The following SEMA5A variants were observed in gnomAD, a reference collection of about 807,000 sequenced individuals.
SEMA5A encodes the protein semaphorin 5A, also known as semaphorin-5A.
A neutral mutation model predicts 135.5 loss-of-function variants in SEMA5A; 55 were observed. The observed-to-expected ratio is 0.41, with a 90% CI of 0.33 to 0.51. The LOEUF (loss-of-function observed/expected upper bound fraction) is 0.51. Ranked by LOEUF, SEMA5A falls within the 20% of genes least tolerant of loss-of-function variation. The pLI is 0.37. For synonymous variants in SEMA5A, 580 were observed against 546.5 expected (o/e 1.06, Z -0.85); for missense variants, 1,290 against 1,419.9 (o/e 0.91, Z 1.47).
At chr5:9,044,987 G>T (rs1445068461) in intron 21 of SEMA5A, among the ~76,000 whole-genome samples, 2 of 152,156 alleles carry the variant, frequency 1.3e-5, no homozygotes, top group African/African-American at 4.8e-5. Context: ...GTTTCTCCAT[G>T]TTGGTCAGGC....
intron 2 of SEMA5A, among the ~76,000 whole-genome samples, chr5:9,417,391 C>T (rs923510830): frequency 6.6e-6 from 1 of 152,214 alleles, no homozygotes; most frequent in African/African-American, 2.4e-5. Context: ...TCTAAAATTT[C>T]TCACATAAAT....
At chr5:9,057,138 G>A (rs1736936903) in intron 18 of SEMA5A, among the ~76,000 whole-genome samples, 1 of 152,188 alleles carries the variant, frequency 6.6e-6, no homozygotes, top group Non-Finnish European at 1.5e-5. Context: ...GGGAAGTGGG[G>A]AATTGCTGTA....
intron 11 of SEMA5A, among the ~76,000 whole-genome samples, chr5:9,164,771 A>G (rs968637746): frequency 6.6e-6 from 1 of 152,180 alleles, no homozygotes; most frequent in Admixed American, 6.5e-5. Context: ...TCAAGTACCT[A>G]AAGAAAAGGT....
chr5:9,490,304 A>T (rs1350317011), intron 1 of SEMA5A, among the ~76,000 whole-genome samples: 1 of 152,280 alleles, frequency 6.6e-6, no homozygotes, highest in African/African-American at 2.4e-5. Context: ...ATCTTATTTA[A>T]ACTGACACAA....
intron 2 of SEMA5A, among the ~76,000 whole-genome samples, chr5:9,382,546 A>T (rs1755661549): frequency 6.6e-6 from 1 of 152,198 alleles, no homozygotes; most frequent in Admixed American, 6.5e-5. Context: ...ATGGGGAGGA[A>T]GGAAAAGACA....
intron 1 of SEMA5A, among the ~76,000 whole-genome samples, chr5:9,482,086 C>T (rs147281177): frequency 1.2e-3 from 179 of 152,282 alleles, no homozygotes; most frequent in African/African-American, 3.9e-3. Flanking sequence ...CCAAACATAG[C>T]TTTCTTTTCT....
intron 1 of SEMA5A, among the ~76,000 whole-genome samples, chr5:9,441,424 G>C (rs1561255617): frequency 1.3e-5 from 2 of 152,106 alleles, no homozygotes; most frequent in South Asian, 4.2e-4. Flanking sequence ...TCAGGTATAA[G>C]AGAAGAGCCA....
chr5:9,445,711 T>G (rs998171332), intron 1 of SEMA5A, among the ~76,000 whole-genome samples: 2 of 151,934 alleles, frequency 1.3e-5, no homozygotes, highest in African/African-American at 4.8e-5. Context: ...TCACTGAGTC[T>G]CTGGCTCCCA....
chr5:9,443,102 T>C (rs1579548538), intron 1 of SEMA5A, among the ~76,000 whole-genome samples: 1 of 152,322 alleles, frequency 6.6e-6, no homozygotes. Flanking sequence ...AGCCTGGGTG[T>C]CCAGGCTTCC....
At chr5:9,483,896 T>C (rs1002656362) in intron 1 of SEMA5A, among the ~76,000 whole-genome samples, 13 of 152,140 alleles carry the variant, frequency 8.5e-5, no homozygotes, top group African/African-American at 2.9e-4. Context: ...CACAGATCAT[T>C]CCAGAGGTGA....
In SEMA5A at chr5:9,176,303, A is replaced by G. The variant is rs1361093895; in HGVS notation, c.1273+13964T>C. On this transcript the variant is annotated intron_variant, in intron 11 of 22. Coordinates refer to ENST00000382496, the MANE Select transcript of SEMA5A (RefSeq NM_003966.3). Reference sequence around the variant, plus strand: ...TTAGGATGTGAAAGTAAACTCTGCCAACAGCCAGGACAAAACTAGGGCCCT... The same window carrying G: ...TTAGGATGTGAAAGTAAACTCTGCCGACAGCCAGGACAAAACTAGGGCCCT... Among the ~76,000 whole-genome samples, 5 of 152,302 alleles carry G rather than the reference A, an allele frequency of 3.3e-5. No individual in the cohort carries two copies. In the East Asian group the frequency reaches 9.7e-4, roughly 29 times the overall value.
At chr5:9,364,265 G>C (rs1036138626) in intron 3 of SEMA5A, among the ~76,000 whole-genome samples, 4 of 152,112 alleles carry the variant, frequency 2.6e-5, no homozygotes, top group Non-Finnish European at 4.4e-5. Context: ...GAACAATTTT[G>C]TGCAGACACC....
intron 11 of SEMA5A, among the ~76,000 whole-genome samples, chr5:9,169,378 G>A (rs529161078): frequency 1.3e-5 from 2 of 152,242 alleles, no homozygotes; most frequent in African/African-American, 4.8e-5. Flanking sequence ...TAAGTAATGT[G>A]TCCTCTCTCC....
intron 2 of SEMA5A, among the ~76,000 whole-genome samples, chr5:9,396,478 A>G (rs1289160689): frequency 6.6e-6 from 1 of 152,062 alleles, no homozygotes; most frequent in African/African-American, 2.4e-5. Context: ...AAAGACAGCA[A>G]ACAACACCCC....
chr5:9,106,113 C>T (rs76853181), intron 16 of SEMA5A, among the ~76,000 whole-genome samples: 5,893 of 152,174 alleles, frequency 0.039, 124 homozygotes, highest in Non-Finnish European at 0.059. Flanking sequence ...CTCCTCATTG[C>T]CGCAATAACA....
intron 10 of SEMA5A, 88 bp downstream of exon 10, chr5:9,197,080 G>A (rs1561010113): frequency 1.9e-6 from 3 of 1,558,394 alleles, no homozygotes; most frequent in South Asian, 1.2e-5. Context: ...ATGCACCCGC[G>A]GTTTAAATTA....
intron 12 of SEMA5A, among the ~76,000 whole-genome samples, chr5:9,144,237 C>A (rs1742211123): frequency 6.6e-6 from 1 of 152,172 alleles, no homozygotes; most frequent in South Asian, 2.1e-4. Context: ...GACACAATTA[C>A]TTATTTGCTA....
intron 1 of SEMA5A, among the ~76,000 whole-genome samples, chr5:9,446,296 G>T (rs1758429800): frequency 6.6e-6 from 1 of 152,088 alleles, no homozygotes; most frequent in Non-Finnish European, 1.5e-5. Flanking sequence ...GTTCTGAACT[G>T]CAAAGAGGCA....
intron 4 of SEMA5A, among the ~76,000 whole-genome samples, chr5:9,333,144 A>G (rs181150655): frequency 3.3e-4 from 51 of 152,246 alleles, no homozygotes; most frequent in Non-Finnish European, 6.9e-4. Flanking sequence ...CACATTTTAG[A>G]AACTGAGATA....
Sources: gnomAD v4.1 joint callset for allele counts (sites outside exome capture counted in the v4.1 genomes callset) on GRCh38, gnomAD v4.1.1 for gene constraint, MANE v1.5 for transcripts, NCBI Gene and HGNC (gene_info 2026-07-23, HGNC 2026-07-21) for gene names.